The following PDE4D variants were observed in gnomAD, a reference collection of about 807,000 sequenced individuals.
PDE4D encodes 3',5'-cyclic-AMP phosphodiesterase 4D.
A neutral mutation model predicts 87.4 loss-of-function variants in PDE4D; 24 were observed. The ratio of observed to expected loss-of-function variants is 0.27; its 90% CI spans 0.20 to 0.39. PDE4D has a LOEUF of 0.39. Among genes scored for constraint, PDE4D ranks in the 10% least tolerant of loss-of-function variants. The pLI is 1.00. For synonymous variants in PDE4D, 384 were observed against 383.2 expected (o/e 1.00, Z -0.02); for missense variants, 714 against 1,041.0 (o/e 0.69, Z 4.32).
At chr5:60,121,990 GC>G (rs777210949) in intron 2 of PDE4D, among the ~76,000 whole-genome samples, 2 of 152,080 alleles carry the variant, frequency 1.3e-5, no homozygotes, top group African/African-American at 2.4e-5. Flanking sequence ...TGGTTACAGG[GC>G]CCATGCAAGC....
intron 1 of PDE4D, among the ~76,000 whole-genome samples, chr5:59,656,004 C>T (rs1196360807): frequency 6.6e-6 from 1 of 152,108 alleles, no homozygotes; most frequent in Non-Finnish European, 1.5e-5. Flanking sequence ...TTACTTCCCC[C>T]CTCCTCCTAC....
At chr5:59,200,058 C>T (rs1037740658) in intron 2 of PDE4D, among the ~76,000 whole-genome samples, 32 of 62,424 alleles carry the variant, frequency 5.1e-4, no homozygotes, top group East Asian at 3.0e-3. Context: ...TACACACATG[C>T]ATGTACACAC....
intron 2 of PDE4D, among the ~76,000 whole-genome samples, chr5:60,032,370 T>C (rs916225213): frequency 1.3e-5 from 2 of 152,254 alleles, no homozygotes; most frequent in African/African-American, 4.8e-5. Context: ...TCTACTTCTC[T>C]ATTGCGTTCT....
At chr5:59,027,252 G>A (rs1330738526) in intron 6 of PDE4D, among the ~76,000 whole-genome samples, 1 of 152,178 alleles carries the variant, frequency 6.6e-6, no homozygotes, top group Non-Finnish European at 1.5e-5. Context: ...CAGATTAAAA[G>A]TGCCATTTTC....
At chr5:59,457,993 C>A (rs535665837) in intron 1 of PDE4D, among the ~76,000 whole-genome samples, 1 of 152,194 alleles carries the variant, frequency 6.6e-6, no homozygotes, top group East Asian at 1.9e-4. Flanking sequence ...AAATGTGAAC[C>A]GTTAATGTGA....
At chr5:60,128,737 A>C (rs895769931) in intron 2 of PDE4D, among the ~76,000 whole-genome samples, 3 of 152,218 alleles carry the variant, frequency 2.0e-5, no homozygotes, top group Non-Finnish European at 4.4e-5. Context: ...GCTACGTTGG[A>C]AGCAACTCAG....
intron 1 of PDE4D, among the ~76,000 whole-genome samples, chr5:59,341,074 A>C (rs1778642562): frequency 6.6e-6 from 1 of 152,170 alleles, no homozygotes; most frequent in East Asian, 1.9e-4. Context: ...CTATTATTTG[A>C]AATCCTTTGT....
At position 59,073,154 on chromosome 5, in the gene PDE4D, A is replaced by AC. The variant is rs60054436; in HGVS notation, c.809-34184_809-34183insG. Among the ~76,000 whole-genome samples, 570 of 152,334 alleles carry AC rather than the reference A, an allele frequency of 3.7e-3. 5 individuals carry two copies. In the East Asian group the frequency reaches 0.045, roughly 12 times the overall value. On this transcript the variant is annotated intron_variant, in intron 5 of 14. Coordinates refer to ENST00000340635, the MANE Select transcript of PDE4D (RefSeq NM_001104631.2). ...TATGAAGCATCATCTCTCTGAGAAC[A>AC]AAATACCAAGGAACTGAGTCCCATC...
intron 2 of PDE4D, among the ~76,000 whole-genome samples, chr5:60,164,516 C>A (rs1196737524): frequency 1.3e-5 from 2 of 152,034 alleles, no homozygotes; most frequent in African/African-American, 2.4e-5. Flanking sequence ...ATAAATGGTG[C>A]AGAAACAAGA....
At chr5:59,343,671 G>A (rs1779141631) in intron 1 of PDE4D, among the ~76,000 whole-genome samples, 1 of 152,178 alleles carries the variant, frequency 6.6e-6, no homozygotes, top group Non-Finnish European at 1.5e-5. Flanking sequence ...TTGATTTCAT[G>A]AATGCATGCT....
intron 1 of PDE4D, among the ~76,000 whole-genome samples, chr5:59,362,516 A>G (rs548547400): frequency 3.2e-4 from 49 of 152,266 alleles, no homozygotes; most frequent in African/African-American, 1.1e-3. Context: ...ATCTAAAAAA[A>G]ATTAGGTGGC....
intron 1 of PDE4D, among the ~76,000 whole-genome samples, chr5:59,236,217 G>A (rs909179205): frequency 3.3e-5 from 5 of 152,164 alleles, no homozygotes; most frequent in East Asian, 1.9e-4. Context: ...TATTTATAAC[G>A]CAAAGATAAG....
chr5:59,046,370 C>G (rs1760667034), intron 5 of PDE4D, among the ~76,000 whole-genome samples: 1 of 149,290 alleles, frequency 6.7e-6, no homozygotes. Flanking sequence ...AGCTTGGTCT[C>G]TGTGTGTGCA....
chr5:59,569,148 T>C (rs976799829), intron 1 of PDE4D, among the ~76,000 whole-genome samples: 4 of 152,192 alleles, frequency 2.6e-5, no homozygotes, highest in African/African-American at 9.6e-5. Flanking sequence ...CAATATTTAA[T>C]TTTCTAACCC....
chr5:60,431,195 A>C, intron 1 of PDE4D: 1 of 191,256 alleles, frequency 5.2e-6, no homozygotes, highest in Non-Finnish European at 1.1e-5. Flanking sequence ...TCCCTCCCAG[A>C]CAGGGTGGCT....
intron 1 of PDE4D, among the ~76,000 whole-genome samples, chr5:59,707,284 T>A (rs1164130059): frequency 2.6e-5 from 4 of 152,172 alleles, no homozygotes; most frequent in Non-Finnish European, 5.9e-5. Context: ...ATAAATTCTT[T>A]AATGCAACAA....
intron 5 of PDE4D, among the ~76,000 whole-genome samples, chr5:59,115,911 A>G (rs1377098003): frequency 6.6e-6 from 1 of 152,296 alleles, no homozygotes; most frequent in East Asian, 1.9e-4. Flanking sequence ...AATAATTAAT[A>G]ATAGTTTTAA....
At position 59,872,300 on chromosome 5, in the gene PDE4D, C is replaced by CACACACACACA. The variant is rs10693446; in HGVS notation, c.455+20867_455+20868insTGTGTGTGTGT. 3.7e-3 allele frequency among the ~76,000 whole-genome samples: 537 copies of CACACACACACA among 146,964 alleles called. 3 individuals carry two copies. The highest frequency in any genetic ancestry group is 0.011 in the African/African-American group (441 of 38,448). On this transcript the variant is annotated intron_variant, in intron 1 of 14. Transcript: ENST00000340635. Reference sequence around the variant, plus strand: ...ACACACACACACACACACACACACACAAGAGCACACAGGCACACACACAGC... The same window carrying CACACACACACA: ...ACACACACACACACACACACACACACACACACACACAAAGAGCACACAGGCACACACACAGC...
intron 1 of PDE4D, among the ~76,000 whole-genome samples, chr5:60,447,873 G>A (rs1422284386): frequency 6.6e-6 from 1 of 152,090 alleles, no homozygotes; most frequent in Admixed American, 6.6e-5. Flanking sequence ...TATACTAGGA[G>A]GGTAGCCTCA....
Sources: allele counts gnomAD v4.1 joint callset (sites outside exome capture counted in the v4.1 genomes callset), GRCh38; gene constraint gnomAD v4.1.1; transcripts MANE v1.5; gene names NCBI Gene and HGNC (gene_info 2026-07-23, HGNC 2026-07-21).